GABRG3: variants seen among roughly 807,000 people sequenced by gnomAD.
GABRG3 encodes gamma-aminobutyric acid type A receptor subunit gamma3, also known as gamma-aminobutyric acid receptor subunit gamma-3.
GABRG3 carries 25 observed loss-of-function variants against 48.8 expected under a neutral mutation model. The ratio of observed to expected loss-of-function variants is 0.51; its 90% CI spans 0.37 to 0.72. The LOEUF (loss-of-function observed/expected upper bound fraction) is 0.72. Ranked by LOEUF, GABRG3 falls within the 30% of genes least tolerant of loss-of-function variation. The pLI is 0.00. For missense variants in GABRG3, 394 were observed against 577.9 expected (o/e 0.68, Z 3.26); for synonymous variants, 227 against 217.6 (o/e 1.04, Z -0.38).
intron 3 of GABRG3, among the ~76,000 whole-genome samples, chr15:27,067,160 C>T (rs1341165507): frequency 1.3e-5 from 2 of 152,178 alleles, no homozygotes; most frequent in Non-Finnish European, 2.9e-5. Flanking sequence ...GTTCTCCCGT[C>T]CCTCCAGTGG....
intron 5 of GABRG3, among the ~76,000 whole-genome samples, chr15:27,442,997 C>T (rs773738288): frequency 3.9e-5 from 6 of 152,258 alleles, no homozygotes; most frequent in South Asian, 4.1e-4. Flanking sequence ...CAAATAAAGT[C>T]GGTTATGGGC....
chr15:27,066,530 C>T (rs1896740532), intron 3 of GABRG3, among the ~76,000 whole-genome samples: 1 of 152,112 alleles, frequency 6.6e-6, no homozygotes, highest in Non-Finnish European at 1.5e-5. Flanking sequence ...GAAAAATAGG[C>T]CCCATTTAAG....
chr15:27,340,868 A>G (rs533120184), intron 5 of GABRG3: 2 of 347,950 alleles, frequency 5.7e-6, no homozygotes, highest in Middle Eastern at 4.2e-4. Context: ...AAAAAGTCCT[A>G]TGCTACATCT....
At chr15:27,481,124 T>A (rs1890092030) in intron 6 of GABRG3, 3 of 1,081,618 alleles carry the variant, frequency 2.8e-6, no homozygotes, top group Non-Finnish European at 1.1e-6. Flanking sequence ...ATAAGAAGAA[T>A]CAAATATTAT....
Position 27,171,562 on chromosome 15 carries a change from G to GTATA in GABRG3, c.270+144752_270+144755dup, listed in dbSNP as rs961177099. 4.6e-3 allele frequency among the ~76,000 whole-genome samples: 624 copies of GTATA among 136,524 alleles called. 2 individuals carry two copies. The highest frequency in any genetic ancestry group is 0.016 in the Middle Eastern group (4 of 246). The allele number at this position is 136,524 out of a possible 152,430, so 89.6% of individuals were successfully genotyped here. On this transcript the variant is annotated intron_variant, in intron 3 of 9. Transcript: ENST00000615808. ...TATACACATGTATATATATGTATATGTATATATATATATAGAGAGAGAGAG... is the reference window on the plus strand; with the variant it reads ...TATACACATGTATATATATGTATATGTATATATATATATATATAGAGAGAGAGAG...
At chr15:26,979,873 ACTCC>A (rs1895020691) in intron 2 of GABRG3, among the ~76,000 whole-genome samples, 1 of 152,030 alleles carries the variant, frequency 6.6e-6, no homozygotes, top group Non-Finnish European at 1.5e-5. Flanking sequence ...GTTGGGACGT[ACTCC>A]CTCATCTTCT....
At chr15:27,083,072 C>G (rs1030000310) in intron 3 of GABRG3, among the ~76,000 whole-genome samples, 2 of 152,208 alleles carry the variant, frequency 1.3e-5, no homozygotes, top group Admixed American at 6.5e-5. Context: ...AAAGATCAAA[C>G]CAGCCTAAAC....
chr15:27,274,204 C>T (rs1314158376), intron 3 of GABRG3, among the ~76,000 whole-genome samples: 2 of 152,194 alleles, frequency 1.3e-5, no homozygotes, highest in Non-Finnish European at 2.9e-5. Context: ...TGTGCCATTG[C>T]ATGGTCCGAC....
intron 3 of GABRG3, among the ~76,000 whole-genome samples, chr15:27,296,583 C>T (rs1046413653): frequency 6.6e-6 from 1 of 152,126 alleles, no homozygotes; most frequent in Non-Finnish European, 1.5e-5. Context: ...ACATATGTGA[C>T]GGTGGTCCCA....
chr15:26,999,335 G>A (rs1370398639), intron 2 of GABRG3, among the ~76,000 whole-genome samples: 1 of 152,046 alleles, frequency 6.6e-6, no homozygotes, highest in African/African-American at 2.4e-5. Flanking sequence ...AAGAACTCAT[G>A]GATTTTGATA....
intron 5 of GABRG3, among the ~76,000 whole-genome samples, chr15:27,330,120 G>A (rs936965628): frequency 6.6e-5 from 10 of 152,130 alleles, no homozygotes; most frequent in Admixed American, 5.9e-4. Context: ...AGGTGCTGTA[G>A]TCCCAGCTAC....
At chr15:27,315,020 T>C (rs1205531720) in intron 3 of GABRG3, among the ~76,000 whole-genome samples, 2 of 152,190 alleles carry the variant, frequency 1.3e-5, no homozygotes, top group African/African-American at 4.8e-5. Flanking sequence ...TTAAAAAGTG[T>C]ATCATACGCT....
intron 3 of GABRG3, among the ~76,000 whole-genome samples, chr15:27,045,032 T>C (rs1896339030): frequency 6.6e-6 from 1 of 152,218 alleles, no homozygotes. Flanking sequence ...TAATCTTAAA[T>C]TGGAATACCC....
intron 3 of GABRG3, among the ~76,000 whole-genome samples, chr15:27,250,229 A>C (rs1288654915): frequency 6.6e-6 from 1 of 152,020 alleles, no homozygotes; most frequent in African/African-American, 2.4e-5. Flanking sequence ...CTCCCTTGAA[A>C]GCTCCTCCCT....
chr15:27,162,710 G>A (rs917588526), intron 3 of GABRG3, among the ~76,000 whole-genome samples: 17 of 152,134 alleles, frequency 1.1e-4, no homozygotes, highest in Non-Finnish European at 1.9e-4. Context: ...CATGTGTGAA[G>A]CATCTTCTGA....
intron 2 of GABRG3, among the ~76,000 whole-genome samples, chr15:27,002,880 G>T (rs1895480149): frequency 6.6e-6 from 1 of 151,976 alleles, no homozygotes; most frequent in Non-Finnish European, 1.5e-5. Flanking sequence ...TGGGAGGATT[G>T]CCTGAGCCCA....
chr15:27,533,144 G>C lies in GABRG3; in HGVS notation c.*263G>C. ...CCCTACTGAATTGTAGCTTGGTGTT[G>C]TTTCTGAATGGTTTTTGGATATTGG... On this transcript the variant is annotated 3_prime_UTR_variant, in exon 10 of 10. Transcript: ENST00000615808. The C allele has an allele frequency of 2.6e-6, 1 of 377,822 alleles. No individual in the cohort carries two copies. Among genetic ancestry groups the C allele is most frequent in the Non-Finnish European group, 4.8e-6 (1 of 209,098 alleles). 23.4% of individuals were successfully genotyped at this position (377,822 alleles called of 1,614,324 possible). A position where few individuals can be genotyped will look rare whatever the true frequency, so the allele number is the denominator to read the frequency against.
chr15:27,398,999 TC>T lies in GABRG3; in HGVS notation c.574+70114del, dbSNP rs985668790. ...GTTTTCTACATTGTGAGTTGAAGCT[TC>T]CCACCGTCAGAGCAATTGTTTATGA... is the stretch of plus-strand genomic sequence containing the variant. On this transcript the variant is annotated intron_variant, in intron 5 of 9. Transcript: ENST00000615808. Among the ~76,000 whole-genome samples the T allele has an allele frequency of 3.9e-5, 6 of 152,184 alleles. 1 individual carries two copies. Among genetic ancestry groups the T allele is most frequent in the Admixed American group, 3.9e-4 (6 of 15,282 alleles).
intron 5 of GABRG3, among the ~76,000 whole-genome samples, chr15:27,383,791 A>T (rs920753221): frequency 6.6e-6 from 1 of 152,236 alleles, no homozygotes; most frequent in Non-Finnish European, 1.5e-5. Context: ...AATTCCAAAA[A>T]ATAATGTGTG....
Sources: gnomAD v4.1 joint callset for allele counts (sites outside exome capture counted in the v4.1 genomes callset) on GRCh38, gnomAD v4.1.1 for gene constraint, MANE v1.5 for transcripts, NCBI Gene and HGNC (gene_info 2026-07-23, HGNC 2026-07-21) for gene names.